TNFRSF13B: variants seen among roughly 807,000 people sequenced by gnomAD.
TNFRSF13B encodes the protein tumor necrosis factor receptor superfamily member 13B.
TNFRSF13B carries 34 observed loss-of-function variants against 24.0 expected under a neutral mutation model. The ratio of observed to expected loss-of-function variants is 1.41; its 90% CI spans 1.08 to 1.88. The LOEUF is 1.88. TNFRSF13B is among the 40% of genes most tolerant of loss of function. The probability of loss-of-function intolerance (pLI) is 0.00; values close to 1 mark genes in which losing one functional copy is unlikely to be tolerated. For missense variants in TNFRSF13B, 415 were observed against 380.8 expected (o/e 1.09, Z -0.75); for synonymous variants, 173 against 150.3 (o/e 1.15, Z -1.10).
At chr17:16,971,974 A>G in intron 1 of TNFRSF13B, 41 bp downstream of exon 1, 1 of 1,609,158 alleles carries the variant, frequency 6.2e-7, no homozygotes, top group Non-Finnish European at 8.5e-7. Context: ...CCCTCCTCAC[A>G]CCTCCCACCT....
chr17:16,956,658 T>C (rs2087626919), intron 1 of TNFRSF13B, among the ~76,000 whole-genome samples: 2 of 152,240 alleles, frequency 1.3e-5, no homozygotes, highest in Admixed American at 6.5e-5. Flanking sequence ...GTGTGGTATA[T>C]TCAAACAATG....
At chr17:16,956,640 T>C (rs1360087903) in intron 1 of TNFRSF13B, among the ~76,000 whole-genome samples, 1 of 152,184 alleles carries the variant, frequency 6.6e-6, no homozygotes, top group Non-Finnish European at 1.5e-5. Flanking sequence ...GGTAAATGTA[T>C]AAATAAAGTG....
chr17:16,961,412 A>C (rs1219928737), intron 1 of TNFRSF13B, among the ~76,000 whole-genome samples: 1 of 152,258 alleles, frequency 6.6e-6, no homozygotes, highest in Non-Finnish European at 1.5e-5. Flanking sequence ...GATGTTATTA[A>C]AATGAATGGA....
At chr17:16,949,851 A>G (rs948282454) in intron 2 of TNFRSF13B, among the ~76,000 whole-genome samples, 4 of 151,788 alleles carry the variant, frequency 2.6e-5, no homozygotes, top group Non-Finnish European at 4.4e-5. Context: ...ACACCCGGCT[A>G]ATTTTTGTAT....
chr17:16,960,692 A>G (rs1428305462), intron 1 of TNFRSF13B, among the ~76,000 whole-genome samples: 1 of 152,232 alleles, frequency 6.6e-6, no homozygotes, highest in Non-Finnish European at 1.5e-5. Context: ...AAATTTGACA[A>G]TGATATCTTG....
chr17:16,959,807 C>T (rs556876606), intron 1 of TNFRSF13B, among the ~76,000 whole-genome samples: 8 of 152,144 alleles, frequency 5.3e-5, no homozygotes, highest in East Asian at 1.9e-4. Context: ...ACTCCTATAA[C>T]GAGATTGAAT....
At chr17:16,941,144 G>T in intron 3 of TNFRSF13B, 1 of 839,628 alleles carries the variant, frequency 1.2e-6, no homozygotes, top group East Asian at 1.2e-4. Flanking sequence ...GAGAAAAAAT[G>T]GCTGCAGAGG....
At chr17:16,947,880 A>G (rs2087559937) in intron 3 of TNFRSF13B, among the ~76,000 whole-genome samples, 1 of 152,384 alleles carries the variant, frequency 6.6e-6, no homozygotes, top group South Asian at 2.1e-4. Flanking sequence ...CCGTTCTACC[A>G]AAAAGATACA....
At position 16,940,460 on chromosome 17, in the gene TNFRSF13B, G is replaced by A. The variant is rs1430117089; in HGVS notation, c.497C>T (p.Thr166Met). The change falls in exon 4 of 5, where the codon ACG (threonine) becomes ATG (methionine). Residue 166 changes from threonine (T) to methionine (M), a missense_variant. Thr to Met is a moderately conservative substitution (Grantham distance 81, BLOSUM62 -1). Coordinates refer to ENST00000261652, the MANE Select transcript of TNFRSF13B (RefSeq NM_012452.3). Reference sequence around the variant, plus strand: ...GACGGCACACAGGCAGAGCCCCAGCGTGCTGTAGACCAGGGCCACCTGATC... The same window carrying A: ...GACGGCACACAGGCAGAGCCCCAGCATGCTGTAGACCAGGGCCACCTGATC... ...SADQVALVYS[T>M]LGLCLCAVLC... 7 of 1,613,724 alleles carry A rather than the reference G, an allele frequency of 4.3e-6. No homozygotes were observed. Among genetic ancestry groups the A allele is most frequent in the South Asian group, 1.1e-5 (1 of 91,080 alleles).
At chr17:16,942,680 TG>T (rs2087520165) in intron 3 of TNFRSF13B, among the ~76,000 whole-genome samples, 2 of 152,206 alleles carry the variant, frequency 1.3e-5, no homozygotes, top group Admixed American at 1.3e-4. Flanking sequence ...ACAGACAGAA[TG>T]CCAGGCTACA....
chr17:16,950,581 AAC>A (rs745771064), intron 2 of TNFRSF13B, among the ~76,000 whole-genome samples: 2 of 152,172 alleles, frequency 1.3e-5, no homozygotes, highest in Non-Finnish European at 2.9e-5. Flanking sequence ...GGCGCCCCTG[AAC>A]CGCACAGAAA....
chr17:16,939,810 G>T lies in TNFRSF13B; in HGVS notation c.632-13C>A, dbSNP rs745368639. Reference sequence around the variant, plus strand: ...TCCATCGCGTGATCTGCAGAGGCGAGAGTGGAGGGCGTGGGCCAGGCCTGG... The same window carrying T: ...TCCATCGCGTGATCTGCAGAGGCGATAGTGGAGGGCGTGGGCCAGGCCTGG... On this transcript the variant is annotated splice_polypyrimidine_tract_variant and intron_variant, in intron 4 of 4. Transcript: ENST00000261652. 1.8e-5 allele frequency: 29 copies of T among 1,609,762 alleles called. No homozygotes were observed. In the South Asian group the frequency reaches 2.5e-4, roughly 14 times the overall value.
intron 2 of TNFRSF13B, among the ~76,000 whole-genome samples, chr17:16,951,138 C>T (rs2087585734): frequency 6.6e-6 from 1 of 152,186 alleles, no homozygotes; most frequent in Non-Finnish European, 1.5e-5. Context: ...ATTTAGGAGT[C>T]GGAGTCCTGG....
rs754963471 is a variant in TNFRSF13B at position 16,939,510 on chromosome 17, ATCTC to A, written c.*33_*36del. 202 of 1,535,906 alleles carry A rather than the reference ATCTC, an allele frequency of 1.3e-4. No individual in the cohort carries two copies. Among genetic ancestry groups the A allele is most frequent in the Non-Finnish European group, 1.7e-4 (189 of 1,141,934 alleles). ...TCTCTTTCTCTCTCCCCTCCTCTCC[ATCTC>A]TCTCCCTCCTCCTTTCCCTCCCTGA... On this transcript the variant is annotated 3_prime_UTR_variant, in exon 5 of 5. Transcript: ENST00000261652.
Position 16,952,820 on chromosome 17 carries a change from C to A in TNFRSF13B, c.62-237G>T, listed in dbSNP as rs1597663259. 2.0e-5 allele frequency among the ~76,000 whole-genome samples: 3 copies of A among 152,190 alleles called. No individual in the cohort carries two copies. In the East Asian group the frequency reaches 5.8e-4, roughly 29 times the overall value. ...CCATCTGCACATGGTTGTTTTCAGG[C>A]CCCCTGCTCTCTCACATCAGCAGTG... On this transcript the variant is annotated intron_variant, in intron 1 of 4. Coordinates refer to ENST00000261652, the MANE Select transcript of TNFRSF13B (RefSeq NM_012452.3).
At chr17:16,944,895 G>T (rs942094917) in intron 3 of TNFRSF13B, among the ~76,000 whole-genome samples, 8 of 152,134 alleles carry the variant, frequency 5.3e-5, no homozygotes, top group African/African-American at 1.9e-4. Context: ...TGTGCAGCTG[G>T]ACAACTTGGT....
intron 1 of TNFRSF13B, 93 bp downstream of exon 1, chr17:16,971,922 G>T: frequency 7.7e-7 from 1 of 1,300,714 alleles, no homozygotes; most frequent in African/African-American, 1.5e-5. Context: ...TGTGGGCTTT[G>T]CACCTGCTGG....
intron 3 of TNFRSF13B, among the ~76,000 whole-genome samples, chr17:16,941,722 T>G (rs1276669765): frequency 6.6e-6 from 1 of 152,148 alleles, no homozygotes; most frequent in South Asian, 2.1e-4. Flanking sequence ...TTGGAGACAA[T>G]TTTTATCACC....
chr17:16,939,886 C>T, intron 4 of TNFRSF13B, 89 bp from the exon 5 acceptor site: 1 of 1,453,434 alleles, frequency 6.9e-7, no homozygotes, highest in Non-Finnish European at 9.1e-7. Context: ...TCTCCCCCGA[C>T]CCAGGAGCTA....
Sources: gnomAD v4.1 joint callset for allele counts (sites outside exome capture counted in the v4.1 genomes callset) on GRCh38, gnomAD v4.1.1 for gene constraint, MANE v1.5 for transcripts, NCBI Gene and HGNC (gene_info 2026-07-23, HGNC 2026-07-21) for gene names.